The following HDAC9 variants were observed in gnomAD, a reference collection of about 807,000 sequenced individuals.
The protein encoded by HDAC9 is histone deacetylase 9.
HDAC9 carries 41 observed loss-of-function variants against 139.4 expected under a neutral mutation model. The observed-to-expected ratio is 0.29, with a 90% CI of 0.23 to 0.38. The LOEUF is 0.38. Among genes scored for constraint, HDAC9 ranks in the 10% least tolerant of loss-of-function variants. The pLI, the probability that HDAC9 is intolerant of heterozygous loss-of-function variation, is 1.00. For missense variants in HDAC9, 1,147 were observed against 1,297.0 expected (o/e 0.88, Z 1.78); for synonymous variants, 517 against 476.2 (o/e 1.09, Z -1.12).
chr7:18,359,856 A>C (rs556437755), intron 1 of HDAC9, among the ~76,000 whole-genome samples: 45 of 152,172 alleles, frequency 3.0e-4, no homozygotes, highest in African/African-American at 1.0e-3. Flanking sequence ...TGATCCGCCC[A>C]CCTCGGCCTC....
intron 1 of HDAC9, among the ~76,000 whole-genome samples, chr7:18,381,632 C>T (rs1585502974): frequency 6.6e-6 from 1 of 151,902 alleles, no homozygotes; most frequent in Non-Finnish European, 1.5e-5. Flanking sequence ...TGAGAATAGA[C>T]TATTCATTCA....
intron 1 of HDAC9, among the ~76,000 whole-genome samples, chr7:18,449,693 A>T (rs560188262): frequency 1.3e-5 from 2 of 152,278 alleles, no homozygotes; most frequent in East Asian, 3.9e-4. Flanking sequence ...TTTCTCCATT[A>T]AAGAAGGAGC....
At chr7:18,576,745 T>C (rs1563343772) in intron 2 of HDAC9, among the ~76,000 whole-genome samples, 1 of 151,968 alleles carries the variant, frequency 6.6e-6, no homozygotes, top group Non-Finnish European at 1.5e-5. Context: ...CTTCTCTGTT[T>C]CTCTTGTGTC....
intron 8 of HDAC9, among the ~76,000 whole-genome samples, chr7:18,642,625 T>C (rs781144145): frequency 9.2e-5 from 14 of 152,170 alleles, no homozygotes; most frequent in Admixed American, 4.6e-4. Context: ...ATCAGTACAC[T>C]GCCAGAGGAA....
At chr7:18,183,096 G>A (rs879844144) in intron 2 of HDAC9, among the ~76,000 whole-genome samples, 2 of 150,698 alleles carry the variant, frequency 1.3e-5, no homozygotes, top group Non-Finnish European at 1.5e-5. Context: ...TGCAAGCTCC[G>A]CCTCCTGGGT....
chr7:18,478,247 A>G (rs1448288168), intron 1 of HDAC9, among the ~76,000 whole-genome samples: 1 of 151,814 alleles, frequency 6.6e-6, no homozygotes. Context: ...AATATTTTGT[A>G]TTTTTAGTAG....
chr7:18,719,949 C>T (rs561191149), intron 12 of HDAC9, among the ~76,000 whole-genome samples: 25 of 152,230 alleles, frequency 1.6e-4, no homozygotes, highest in African/African-American at 5.5e-4. Context: ...ATCAATTCAT[C>T]GTAAGTGTAA....
Position 18,174,976 on chromosome 7 carries a change from C to A in HDAC9, c.25+12627C>A, listed in dbSNP as rs144660618. 1.2e-4 allele frequency among the ~76,000 whole-genome samples: 19 copies of A among 152,326 alleles called. No individual in the cohort carries two copies. In the East Asian group the frequency reaches 3.7e-3, roughly 29 times the overall value. On this transcript the variant is annotated intron_variant, in intron 2 of 12. Coordinates refer to the HDAC9 transcript ENST00000417496. ...CTCAAACACCATGCTGGGAGAACTA[C>A]TGCTCTCTTCAGGCCTGTCAGAAGG... is the stretch of plus-strand genomic sequence containing the variant.
chr7:18,710,796 T>C (rs1367693752), intron 12 of HDAC9, among the ~76,000 whole-genome samples: 1 of 152,178 alleles, frequency 6.6e-6, no homozygotes, highest in African/African-American at 2.4e-5. Context: ...AAAGAGCACA[T>C]GGATAGAGAA....
chr7:18,403,968 T>C (rs896465167), intron 1 of HDAC9, among the ~76,000 whole-genome samples: 1 of 152,090 alleles, frequency 6.6e-6, no homozygotes, highest in African/African-American at 2.4e-5. Context: ...ATTAGTTCCA[T>C]GAAGAGGGGC....
chr7:18,977,919 GACACACAC>G lies in HDAC9; in HGVS notation c.3170+2000_3170+2007del, dbSNP rs147049392. Among the ~76,000 whole-genome samples the G allele has an allele frequency of 5.0e-3, 708 of 140,848 alleles. 3 individuals are homozygous for G. Among genetic ancestry groups the G allele is most frequent in the Middle Eastern group, 0.011 (3 of 282 alleles). The allele number at this position is 140,848 out of a possible 152,430, so 92.4% of individuals were successfully genotyped here. A position where few individuals can be genotyped will look rare whatever the true frequency, so the allele number is the denominator to read the frequency against. On this transcript the variant is annotated intron_variant, in intron 25 of 25. Coordinates refer to ENST00000686413, the MANE Select transcript of HDAC9 (RefSeq NM_178425.4). The stretch of plus-strand genomic sequence containing the variant: ...GAATTTCCTCAGAGACAGACAGACA[GACACACAC>G]ACACACACACACACACACACACACA...
intron 2 of HDAC9, among the ~76,000 whole-genome samples, chr7:18,226,562 C>T (rs930178444): frequency 7.9e-5 from 12 of 152,272 alleles, no homozygotes; most frequent in Admixed American, 7.2e-4. Context: ...ATCATTCCCT[C>T]CCATAGCAAT....
At chr7:18,988,581 G>C (rs182042935) in intron 25 of HDAC9, among the ~76,000 whole-genome samples, 1 of 152,184 alleles carries the variant, frequency 6.6e-6, no homozygotes, top group African/African-American at 2.4e-5. Flanking sequence ...TATCAGGTCC[G>C]CTTGGTGCAG....
At chr7:18,400,328 T>A (rs1225968397) in intron 1 of HDAC9, among the ~76,000 whole-genome samples, 4 of 152,202 alleles carry the variant, frequency 2.6e-5, no homozygotes, top group African/African-American at 9.6e-5. Flanking sequence ...ATTTCCAACA[T>A]AACTGCTGTT....
At chr7:18,415,079 C>A (rs148162805) in intron 1 of HDAC9, among the ~76,000 whole-genome samples, 7 of 152,158 alleles carry the variant, frequency 4.6e-5, no homozygotes, top group Non-Finnish European at 7.4e-5. Context: ...TGATACTCAG[C>A]GGCATTAAGT....
At chr7:18,251,113 C>T (rs1166701706) in intron 2 of HDAC9, among the ~76,000 whole-genome samples, 1 of 152,136 alleles carries the variant, frequency 6.6e-6, no homozygotes, top group East Asian at 1.9e-4. Context: ...ATCTAAATGA[C>T]CATCAGTCAT....
chr7:18,415,943 G>C (rs924225986), intron 1 of HDAC9, among the ~76,000 whole-genome samples: 1 of 151,936 alleles, frequency 6.6e-6, no homozygotes, highest in Non-Finnish European at 1.5e-5. Flanking sequence ...ACTTCACTTG[G>C]TCATGATGTA....
At chr7:18,811,403 C>G (rs889195482) in intron 17 of HDAC9, among the ~76,000 whole-genome samples, 5 of 151,742 alleles carry the variant, frequency 3.3e-5, no homozygotes, top group Admixed American at 6.6e-5. Flanking sequence ...CTAAATCCAG[C>G]TTTATCTACA....
At chr7:18,352,948 G>A (rs530888948) in intron 1 of HDAC9, among the ~76,000 whole-genome samples, 1 of 152,008 alleles carries the variant, frequency 6.6e-6, no homozygotes, top group Non-Finnish European at 1.5e-5. Flanking sequence ...ATATCTTCCA[G>A]TACCTTAACA....
Sources: allele counts gnomAD v4.1 joint callset (sites outside exome capture counted in the v4.1 genomes callset), GRCh38; gene constraint gnomAD v4.1.1; transcripts MANE v1.5; gene names NCBI Gene and HGNC (gene_info 2026-07-23, HGNC 2026-07-21).